HEMK2: variants seen among roughly 807,000 people sequenced by gnomAD.
HEMK2 encodes the protein HemK methyltransferase 2, ETF1 glutamine and histone H4 lysine, also known as methyltransferase HEMK2.
At chr21:28,742,950 C>T in the HEMK2 span, among the ~76,000 whole-genome samples, 1 of 152,084 alleles carries the variant, frequency 6.6e-6, no homozygotes, top group South Asian at 2.1e-4. Context: ...ATTCCGTTTC[C>T]TGACAACTTC....
the HEMK2 span, among the ~76,000 whole-genome samples, chr21:28,853,526 G>T: frequency 6.6e-6 from 1 of 152,084 alleles, no homozygotes; most frequent in Admixed American, 6.5e-5. Flanking sequence ...ACCCCCTCAT[G>T]GGTCACACTC....
At chr21:28,826,275 G>A in the HEMK2 span, among the ~76,000 whole-genome samples, 1 of 152,116 alleles carries the variant, frequency 6.6e-6, no homozygotes, top group Admixed American at 6.6e-5. Context: ...CATCAGTAGG[G>A]GAACTAAAAC....
chr21:28,593,818 G>C, the HEMK2 span, among the ~76,000 whole-genome samples: 1 of 152,182 alleles, frequency 6.6e-6, no homozygotes. Flanking sequence ...TAAATGAAGA[G>C]AATAGACAAA....
At chr21:28,756,901 T>C in the HEMK2 span, among the ~76,000 whole-genome samples, 1 of 152,244 alleles carries the variant, frequency 6.6e-6, no homozygotes, top group African/African-American at 2.4e-5. Flanking sequence ...CTAAGATTGA[T>C]GTAATCAATG....
At chr21:28,720,543 G>A in the HEMK2 span, among the ~76,000 whole-genome samples, 14 of 152,092 alleles carry the variant, frequency 9.2e-5, no homozygotes, top group Non-Finnish European at 1.2e-4. Flanking sequence ...GACCAGCTTG[G>A]CCAACATAGC....
the HEMK2 span, among the ~76,000 whole-genome samples, chr21:28,695,177 G>T: frequency 6.6e-6 from 1 of 152,090 alleles, no homozygotes; most frequent in Non-Finnish European, 1.5e-5. Context: ...TAATGAACCA[G>T]TGAAAAAATA....
chr21:28,682,160 AG>A, the HEMK2 span, among the ~76,000 whole-genome samples: 1 of 151,960 alleles, frequency 6.6e-6, no homozygotes, highest in Admixed American at 6.6e-5. Context: ...CATCTGACAA[AG>A]GGCTAATATC....
At chr21:28,704,644 C>G in the HEMK2 span, among the ~76,000 whole-genome samples, 151,951 of 151,952 alleles carry the variant, frequency 1, 75,975 homozygotes, top group Non-Finnish European at 1. Context: ...AAGGGAACAA[C>G]CGTTTAAAAA....
At chr21:28,589,237 G>A in the HEMK2 span, among the ~76,000 whole-genome samples, 1 of 151,994 alleles carries the variant, frequency 6.6e-6, no homozygotes, top group African/African-American at 2.4e-5. Flanking sequence ...CTGTATTGAG[G>A]TATACATGAC....
the HEMK2 span, among the ~76,000 whole-genome samples, chr21:28,588,982 CA>C: frequency 3.7e-3 from 402 of 107,276 alleles, 1 homozygote; most frequent in African/African-American, 9.4e-3. Flanking sequence ...GACACTGTCT[CA>C]AAAAAAAAAA....
chr21:28,827,185 T>C, the HEMK2 span, among the ~76,000 whole-genome samples: 2 of 152,140 alleles, frequency 1.3e-5, no homozygotes, highest in African/African-American at 2.4e-5. Context: ...TGTAATCAAA[T>C]AGAACAAGCA....
At chr21:28,733,966 A>G in the HEMK2 span, among the ~76,000 whole-genome samples, 8 of 152,130 alleles carry the variant, frequency 5.3e-5, no homozygotes, top group African/African-American at 1.9e-4. Context: ...CTGTTCTATC[A>G]TTTTTTGGTT....
At chr21:28,677,014 C>T in the HEMK2 span, among the ~76,000 whole-genome samples, 14 of 152,258 alleles carry the variant, frequency 9.2e-5, no homozygotes, top group South Asian at 2.1e-4. Flanking sequence ...ACTGAAGTAC[C>T]GGGTTCATCT....
At chr21:28,883,019 G>C in the HEMK2 span, 2 of 1,607,748 alleles carry the variant, frequency 1.2e-6, no homozygotes, top group Non-Finnish European at 1.7e-6. Context: ...ATAGAGGCTA[G>C]GAATGCAGAT....
At chr21:28,878,706 A>G in the HEMK2 span, among the ~76,000 whole-genome samples, 1 of 151,754 alleles carries the variant, frequency 6.6e-6, no homozygotes, top group Non-Finnish European at 1.5e-5. Flanking sequence ...GCGTATATCA[A>G]GGGCTTAATA....
At chr21:28,861,582 C>T in the HEMK2 span, among the ~76,000 whole-genome samples, 3 of 152,210 alleles carry the variant, frequency 2.0e-5, no homozygotes, top group Non-Finnish European at 4.4e-5. Flanking sequence ...TCCCATCCTT[C>T]CCCAAGGAGA....
At chr21:28,871,850 C>A in the HEMK2 span, among the ~76,000 whole-genome samples, 1 of 152,180 alleles carries the variant, frequency 6.6e-6, no homozygotes, top group Non-Finnish European at 1.5e-5. Context: ...TACTCATTGA[C>A]TCATCACTCC....
the HEMK2 span, among the ~76,000 whole-genome samples, chr21:28,660,887 G>C: frequency 2.9e-4 from 44 of 152,052 alleles, no homozygotes; most frequent in Non-Finnish European, 5.4e-4. Context: ...ATCTTTGAAC[G>C]AAGTATTCAA....
the HEMK2 span, among the ~76,000 whole-genome samples, chr21:28,735,329 C>T: frequency 6.6e-6 from 1 of 152,060 alleles, no homozygotes; most frequent in Non-Finnish European, 1.5e-5. Context: ...GCTGGAGGCT[C>T]TGGGGGTGAA....
Sources: gnomAD v4.1 joint callset for allele counts (sites outside exome capture counted in the v4.1 genomes callset) on GRCh38, gnomAD v4.1.1 for gene constraint, MANE v1.5 for transcripts, NCBI Gene and HGNC (gene_info 2026-07-23, HGNC 2026-07-21) for gene names.